The following TRPC4AP variants were observed in gnomAD, a reference collection of about 807,000 sequenced individuals.
TRPC4AP encodes the protein short transient receptor potential channel 4-associated protein.
Under a neutral mutation model 99.0 loss-of-function variants are expected in TRPC4AP, and 45 were observed. The ratio of observed to expected loss-of-function variants is 0.45; its 90% confidence interval spans 0.36 to 0.58. TRPC4AP has a LOEUF of 0.58. Among genes scored for constraint, TRPC4AP ranks in the 20% least tolerant of loss-of-function variants. TRPC4AP has a pLI of 0.00. For synonymous variants in TRPC4AP, 408 were observed against 385.8 expected, an observed-to-expected ratio of 1.06 and a Z score of -0.67; for missense variants, 879 against 985.3, an observed-to-expected ratio of 0.89 and a Z score of 1.44.
At position 35,021,269 on chromosome 20, in the gene TRPC4AP, T is replaced by C; in HGVS notation, c.1139A>G (p.Lys380Arg). The C allele has an allele frequency of 6.2e-7, 1 of 1,614,132 alleles. No individual in the cohort carries two copies. The highest frequency in any genetic ancestry group is 8.5e-7 in the Non-Finnish European group (1 of 1,180,026). The change falls in exon 9 of 19, where the codon AAG becomes AGG. Residue 380 changes from lysine to arginine, a missense_variant. By Grantham distance (26) the Lys-to-Arg change is conservative. Around this residue, in one of 3 missense-constraint regions of TRPC4AP, gnomAD observed 603 missense variants for 631.8 expected, o/e 0.95. Coordinates refer to ENST00000252015, the MANE Select transcript of TRPC4AP (RefSeq NM_015638.3). The part of the protein sequence containing the change: ...SARTQLPQSM[K>R]IMHEIMYKLE... ...TTTGTACATGATCTCATGCATAATC[T>C]TCATTGACTGGGGCAGCTGGGTTCT...
At chr20:35,086,867 T>C (rs924659401) in intron 1 of TRPC4AP, among the ~76,000 whole-genome samples, 16 of 151,520 alleles carry the variant, frequency 1.1e-4, no homozygotes, top group Non-Finnish European at 1.6e-4. Flanking sequence ...ACCCTGTCTT[T>C]ACTAAAAATA....
At chr20:35,057,619 C>T (rs750082527) in intron 3 of TRPC4AP, 48 bp from the exon 4 acceptor site, 4 of 1,479,012 alleles carry the variant, frequency 2.7e-6, no homozygotes, top group African/African-American at 1.4e-5. Flanking sequence ...CAAAGTATAA[C>T]TTATAAAATG....
At chr20:35,067,100 A>T (rs1250594864) in intron 3 of TRPC4AP, among the ~76,000 whole-genome samples, 1 of 152,258 alleles carries the variant, frequency 6.6e-6, no homozygotes, top group African/African-American at 2.4e-5. Flanking sequence ...TACAAATGAC[A>T]AACTCAAGAA....
At chr20:35,040,585 G>T (rs1600572377) in intron 7 of TRPC4AP, among the ~76,000 whole-genome samples, 1 of 152,096 alleles carries the variant, frequency 6.6e-6, no homozygotes. Context: ...TCTCCAGCTT[G>T]CAGACGGCTT....
intron 8 of TRPC4AP, among the ~76,000 whole-genome samples, chr20:35,026,222 G>GTTT (rs35794517): frequency 2.0e-5 from 3 of 146,936 alleles, no homozygotes; most frequent in African/African-American, 2.5e-5. Flanking sequence ...GTCTTAGGTT[G>GTTT]TTTTTTTTTT....
At chr20:35,059,722 G>C (rs907775140) in intron 3 of TRPC4AP, among the ~76,000 whole-genome samples, 16 of 151,708 alleles carry the variant, frequency 1.1e-4, no homozygotes, top group Middle Eastern at 3.4e-3. Context: ...AGAAGAAGAA[G>C]AAGAGGAAGA....
At chr20:35,037,118 G>A (rs547268641) in intron 7 of TRPC4AP, among the ~76,000 whole-genome samples, 151 of 152,166 alleles carry the variant, frequency 9.9e-4, no homozygotes, top group Non-Finnish European at 2.0e-3. Context: ...AGGCCGAGGC[G>A]GGTGGATCAC....
At chr20:35,013,949 G>A (rs978733027) in intron 10 of TRPC4AP, among the ~76,000 whole-genome samples, 1 of 152,208 alleles carries the variant, frequency 6.6e-6, no homozygotes, top group Non-Finnish European at 1.5e-5. Context: ...TACGACTGGG[G>A]CAGTAGGGCC....
At position 35,031,390 on chromosome 20, in the gene TRPC4AP, CTTTTTTT is replaced by C. The variant is rs71299218; in HGVS notation, c.1051+3726_1051+3732del. 2.7e-3 allele frequency among the ~76,000 whole-genome samples: 201 copies of C among 73,652 alleles called. 2 individuals carry two copies. The highest frequency in any genetic ancestry group is 0.01 in the East Asian group (30 of 2,886). 48.3% of individuals were successfully genotyped at this position (73,652 alleles called of 152,430 possible). On this transcript the variant is annotated intron_variant, in intron 8 of 18. Coordinates refer to ENST00000252015, the MANE Select transcript of TRPC4AP (RefSeq NM_015638.3). ...GGTGTGCACTACTACCCCTGGTTAA[CTTTTTTT>C]TTTTTTTTTTTTTTTTTTCAAAGAG...
intron 7 of TRPC4AP, among the ~76,000 whole-genome samples, chr20:35,037,769 T>G (rs185250102): frequency 1.4e-4 from 22 of 152,290 alleles, no homozygotes; most frequent in African/African-American, 4.6e-4. Context: ...TAATACTGTA[T>G]TTTTACTATA....
chr20:35,015,987 C>T (rs1478391860), intron 10 of TRPC4AP, 21 bp downstream of exon 10: 1 of 1,614,000 alleles, frequency 6.2e-7, no homozygotes, highest in East Asian at 2.2e-5. Flanking sequence ...CCCCATCTGT[C>T]CCCGGGGGTC....
chr20:35,049,725 A>C, intron 6 of TRPC4AP, 141 bp downstream of exon 6: 1 of 947,840 alleles, frequency 1.1e-6, no homozygotes, highest in Non-Finnish European at 1.5e-6. Flanking sequence ...GGGGTAATCA[A>C]GTTTTATACT....
chr20:35,056,142 T>C (rs1233855204), intron 4 of TRPC4AP, among the ~76,000 whole-genome samples: 1 of 152,226 alleles, frequency 6.6e-6, no homozygotes, highest in South Asian at 2.1e-4. Context: ...CTGCATCCCT[T>C]ATCACCACCT....
chr20:35,006,804 C>A (rs756012560), intron 14 of TRPC4AP, among the ~76,000 whole-genome samples: 1 of 152,238 alleles, frequency 6.6e-6, no homozygotes, highest in East Asian at 1.9e-4. Context: ...TCTCCCCTGC[C>A]CAGGGCGTAC....
At chr20:35,031,011 T>C (rs1321186974) in intron 8 of TRPC4AP, among the ~76,000 whole-genome samples, 2 of 152,194 alleles carry the variant, frequency 1.3e-5, no homozygotes, top group Non-Finnish European at 2.9e-5. Context: ...AGTTTTTCTT[T>C]TCTAAGAATG....
chr20:35,055,653 G>A (rs1239778237), intron 4 of TRPC4AP, among the ~76,000 whole-genome samples: 4 of 152,214 alleles, frequency 2.6e-5, no homozygotes, highest in Non-Finnish European at 5.9e-5. Flanking sequence ...GACTGCATGC[G>A]CGTGTACCAC....
At chr20:35,059,844 C>T (rs1452067589) in intron 3 of TRPC4AP, among the ~76,000 whole-genome samples, 1 of 149,244 alleles carries the variant, frequency 6.7e-6, no homozygotes, top group South Asian at 2.1e-4. Flanking sequence ...ACAAAGAAGA[C>T]GAAGATGAAG....
Position 35,040,203 on chromosome 20 carries a change from G to A in TRPC4AP, c.865+4302C>T, listed in dbSNP as rs552122413. 4.6e-5 allele frequency among the ~76,000 whole-genome samples: 7 copies of A among 152,098 alleles called. No homozygotes were observed. The South Asian group carries it at 1.0e-3, about 23-fold the overall frequency. ...GTTAATTTTAGCTGTCAACTTGACT[G>A]GACTATGGGATGCCTACATGGCTGG... On this transcript the variant is annotated intron_variant, in intron 7 of 18. Transcript: ENST00000252015.
chr20:35,070,773 C>A (rs529473609), intron 2 of TRPC4AP, among the ~76,000 whole-genome samples: 1 of 152,148 alleles, frequency 6.6e-6, no homozygotes, highest in African/African-American at 2.4e-5. Flanking sequence ...GTATTCCCCA[C>A]AGATTCCAAG....
Sources: allele counts gnomAD v4.1 joint callset (sites outside exome capture counted in the v4.1 genomes callset), GRCh38; gene constraint gnomAD v4.1.1; regional missense constraint gnomAD v4.1.1; transcripts MANE v1.5; gene names NCBI Gene and HGNC (gene_info 2026-07-23, HGNC 2026-07-21).